Variants in STK32C observed in about 807,000 individuals in gnomAD.
STK32C encodes serine/threonine kinase 32C, also known as serine/threonine-protein kinase 32C.
In STK32C, 31 loss-of-function variants were observed where a neutral mutation model predicts 56.5. The ratio of observed to expected loss-of-function variants is 0.55; its 90% CI spans 0.41 to 0.74. STK32C has a LOEUF of 0.74. STK32C is among the 30% of genes least tolerant of loss of function. STK32C has a pLI of 0.00. For missense variants in STK32C, 544 were observed against 676.9 expected (o/e 0.80, Z 2.18); for synonymous variants, 309 against 289.4 (o/e 1.07, Z -0.69).
chr10:132,229,212 G>A (rs2063007213), intron 2 of STK32C, among the ~76,000 whole-genome samples: 1 of 152,224 alleles, frequency 6.6e-6, no homozygotes, highest in African/African-American at 2.4e-5. Context: ...AGGTAATCCA[G>A]ACCCGTTTCC....
At chr10:132,232,852 C>T (rs923559992) in intron 2 of STK32C, among the ~76,000 whole-genome samples, 1 of 152,056 alleles carries the variant, frequency 6.6e-6, no homozygotes, top group Non-Finnish European at 1.5e-5. Flanking sequence ...CAGCGCCACC[C>T]GGAACAGGCT....
chr10:132,299,531 C>G (rs1027758513), intron 1 of STK32C, among the ~76,000 whole-genome samples: 1 of 152,236 alleles, frequency 6.6e-6, no homozygotes, highest in Non-Finnish European at 1.5e-5. Context: ...GGACAAGACC[C>G]CTGGGGAGGT....
At chr10:132,257,424 G>A (rs1262842233) in intron 1 of STK32C, among the ~76,000 whole-genome samples, 6 of 152,068 alleles carry the variant, frequency 3.9e-5, no homozygotes, top group Admixed American at 3.9e-4. Context: ...GCGGGCTGTG[G>A]TCATTCAGGG....
intron 1 of STK32C, among the ~76,000 whole-genome samples, chr10:132,294,671 T>C (rs1340621658): frequency 2.6e-5 from 4 of 152,124 alleles, no homozygotes; most frequent in Non-Finnish European, 5.9e-5. Flanking sequence ...CTATCAGCCA[T>C]TGACCTCGCA....
intron 1 of STK32C, among the ~76,000 whole-genome samples, chr10:132,291,261 G>A (rs1489829540): frequency 2.6e-5 from 4 of 152,164 alleles, no homozygotes; most frequent in Non-Finnish European, 1.5e-5. Flanking sequence ...GGTTTCCTGC[G>A]ATCCACTGCA....
At chr10:132,256,284 G>A (rs1281204944) in intron 1 of STK32C, among the ~76,000 whole-genome samples, 1 of 152,138 alleles carries the variant, frequency 6.6e-6, no homozygotes, top group Non-Finnish European at 1.5e-5. Flanking sequence ...ACCTCCAGCA[G>A]GACCCTGTTG....
chr10:132,231,373 G>C (rs567227748), intron 2 of STK32C, among the ~76,000 whole-genome samples: 12 of 152,368 alleles, frequency 7.9e-5, no homozygotes, highest in African/African-American at 2.9e-4. Flanking sequence ...GGAGCAAGGG[G>C]AGGCAGGGTT....
chr10:132,282,510 C>CGCCCACCTGTGCCTGT (rs1248866469), intron 1 of STK32C, among the ~76,000 whole-genome samples: 1 of 116,852 alleles, frequency 8.6e-6, no homozygotes, highest in East Asian at 3.3e-4. Flanking sequence ...CCTGTGCCTG[C>CGCCCACCTGTGCCTGT]GCCCACCTGT....
At chr10:132,279,196 C>T (rs935734245) in intron 1 of STK32C, among the ~76,000 whole-genome samples, 6 of 152,128 alleles carry the variant, frequency 3.9e-5, no homozygotes, top group African/African-American at 1.2e-4. Context: ...TCATCAAGAC[C>T]GATGTGCAGT....
intron 1 of STK32C, among the ~76,000 whole-genome samples, chr10:132,290,938 A>G (rs2065544901): frequency 6.6e-6 from 1 of 152,150 alleles, no homozygotes; most frequent in Non-Finnish European, 1.5e-5. Flanking sequence ...GGGCAACCCA[A>G]GGGAAACACG....
At chr10:132,327,212 CTGA>C (rs2066516904) in intron 1 of STK32C, among the ~76,000 whole-genome samples, 1 of 152,118 alleles carries the variant, frequency 6.6e-6, no homozygotes, top group South Asian at 2.1e-4. Context: ...CTCATGAAAT[CTGA>C]TGATTTTAAA....
intron 1 of STK32C, among the ~76,000 whole-genome samples, chr10:132,268,224 CGTGTGTGT>C (rs59819169): frequency 3.4e-5 from 3 of 86,978 alleles, no homozygotes; most frequent in African/African-American, 1.0e-4. Flanking sequence ...TGTCCCACAT[CGTGTGTGT>C]GTGTGTGTGT....
chr10:132,227,992 A>G lies in STK32C; in HGVS notation c.455T>C (p.Phe152Ser). 6.2e-7 allele frequency: 1 copy of G among 1,613,472 alleles called. No individual in the cohort carries two copies. Among genetic ancestry groups the G allele is most frequent in the Non-Finnish European group, 8.5e-7 (1 of 1,179,996 alleles). The change falls in exon 3 of 12, where the codon TTC (phenylalanine) becomes TCC (serine). Residue 152 changes from phenylalanine (F) to serine (S), a missense_variant. Around this residue, in one of 3 missense-constraint regions of STK32C, gnomAD observed 182 missense variants for 217.7 expected, o/e 0.84. Coordinates refer to ENST00000298630, the MANE Select transcript of STK32C (RefSeq NM_173575.4). The part of the protein sequence containing the change: ...LEILQEIEHV[F>S]LVNLWYSFQD... The stretch of plus-strand genomic sequence containing the variant: ...GCAGGCTCACCAGAGGTTCACCAGG[A>G]AGACGTGCTCGATCTCCTGCAGGAT...
At chr10:132,270,025 T>G (rs1328114652) in intron 1 of STK32C, among the ~76,000 whole-genome samples, 3 of 152,244 alleles carry the variant, frequency 2.0e-5, no homozygotes, top group Admixed American at 2.0e-4. Flanking sequence ...GTTTACAAGC[T>G]GATGCCTGGT....
rs115937395 is a variant in STK32C at position 132,283,423 on chromosome 10, G to A, written c.262+24149C>T. ...CAGCGGCAGCCACGCCCCCCTCACC[G>A]TGCGACCAGCGGAGGCAGAGTCCTG... On this transcript the variant is annotated intron_variant, in intron 1 of 11. Transcript: ENST00000298630. Among the ~76,000 whole-genome samples the A allele has an allele frequency of 8.0e-3, 1,222 of 152,336 alleles. 14 individuals carry two copies. Among genetic ancestry groups the A allele is most frequent in the South Asian group, 0.063 (305 of 4,824 alleles).
At chr10:132,309,773 C>G (rs765395935), upstream of STK32C, among the ~76,000 whole-genome samples, 61 of 152,318 alleles carry the variant, frequency 4.0e-4, no homozygotes, top group Non-Finnish European at 7.9e-4. Flanking sequence ...TCAGACTCCC[C>G]AGGGCTCCTC....
intron 1 of STK32C, among the ~76,000 whole-genome samples, chr10:132,257,041 G>A (rs1207568570): frequency 6.6e-6 from 1 of 152,198 alleles, no homozygotes; most frequent in Non-Finnish European, 1.5e-5. Context: ...CCCTGGCCAG[G>A]AGCAGATGGA....
downstream of STK32C, among the ~76,000 whole-genome samples, chr10:132,323,047 T>C (rs969271400): frequency 6.6e-6 from 1 of 152,154 alleles, no homozygotes; most frequent in Non-Finnish European, 1.5e-5. The surrounding 1 kb of genome is among the most constrained non-coding windows in gnomAD (Gnocchi z 4.8). Context: ...CTGGTCTAAG[T>C]GCTGCCCTGC....
chr10:132,250,221 G>A (rs191086921), intron 1 of STK32C, among the ~76,000 whole-genome samples: 2 of 152,350 alleles, frequency 1.3e-5, no homozygotes, highest in South Asian at 2.1e-4. Context: ...CTGAGGACAG[G>A]TGTGTGTGAG....
Sources: gnomAD v4.1 joint callset for allele counts (sites outside exome capture counted in the v4.1 genomes callset) on GRCh38, gnomAD v4.1.1 for gene constraint, gnomAD v4.1.1 regional missense constraint, Gnocchi (gnomAD v3.1) non-coding constraint, MANE v1.5 for transcripts, NCBI Gene and HGNC (gene_info 2026-07-23, HGNC 2026-07-21) for gene names.